AP1B1: variants seen among roughly 807,000 people sequenced by gnomAD.
AP1B1 encodes adaptor related protein complex 1 subunit beta 1.
In AP1B1, 36 loss-of-function variants were observed where a neutral mutation model predicts 104.3. The ratio of observed to expected loss-of-function variants is 0.35; its 90% confidence interval spans 0.26 to 0.46. The LOEUF is 0.46. AP1B1 is among the 20% of genes least tolerant of loss of function. AP1B1 has a pLI of 1.00. For synonymous variants in AP1B1, 504 were observed against 517.5 expected, an observed-to-expected ratio of 0.97 and a Z score of 0.35; for missense variants, 901 against 1,247.9, an observed-to-expected ratio of 0.72 and a Z score of 4.19.
chr22:29,358,437 C>A lies in AP1B1; in HGVS notation c.525+289G>T, dbSNP rs2061993032. On this transcript the variant is annotated intron_variant, in intron 5 of 22. Transcript: ENST00000357586. ...CATCCCAGGCACGTCACCTTCACAG[C>A]ACTCCTGCCAGCCACGTAGAATGAG... is the stretch of plus-strand genomic sequence containing the variant. Among the ~76,000 whole-genome samples, 5 of 152,204 alleles carry A rather than the reference C, an allele frequency of 3.3e-5. No individual in the cohort carries two copies. In the South Asian group the frequency reaches 1.0e-3, roughly 32 times the overall value.
At chr22:29,382,155 C>G (rs1363357867) in intron 1 of AP1B1, among the ~76,000 whole-genome samples, 3 of 152,112 alleles carry the variant, frequency 2.0e-5, no homozygotes, top group Non-Finnish European at 4.4e-5. Flanking sequence ...CTACTGGGCT[C>G]AAGCAATTCT....
chr22:29,381,679 CA>C (rs2062439085), intron 1 of AP1B1, among the ~76,000 whole-genome samples: 1 of 152,160 alleles, frequency 6.6e-6, no homozygotes, highest in South Asian at 2.1e-4. Flanking sequence ...GAAGAAATGG[CA>C]AGGGTAGAAG....
At position 29,358,759 on chromosome 22, in the gene AP1B1, G is replaced by C. The variant is rs548719725; in HGVS notation, c.492C>G (p.Thr164=). The C allele has an allele frequency of 2.5e-5, 41 of 1,614,194 alleles. No individual in the cohort carries two copies. Among genetic ancestry groups the C allele is most frequent in the Non-Finnish European group, 3.5e-5 (41 of 1,180,018 alleles). The part of the protein sequence containing the change: ...QLVEDQGFLD[T]LKDLISDSNP... ...TAGAGTCGGAGATGAGGTCTTTAAG[G>C]GTGTCCAGGAAGCCCTGGTCCTCCA... The change falls in exon 5 of 23, where the codon ACC becomes ACG. Residue 164 remains threonine (T), a synonymous_variant. Transcript: ENST00000357586.
At chr22:29,364,551 T>A (rs1374929342) in intron 2 of AP1B1, among the ~76,000 whole-genome samples, 1 of 152,174 alleles carries the variant, frequency 6.6e-6, no homozygotes, top group African/African-American at 2.4e-5. Context: ...ACCGGGTAGC[T>A]GGGACTACAG....
At chr22:29,361,572 A>G (rs565909907) in intron 3 of AP1B1, among the ~76,000 whole-genome samples, 1 of 152,266 alleles carries the variant, frequency 6.6e-6, no homozygotes, top group Non-Finnish European at 1.5e-5. Flanking sequence ...AAATCTCAAA[A>G]TGTTCTGTGC....
At chr22:29,363,424 C>G (rs558168682) in intron 2 of AP1B1, among the ~76,000 whole-genome samples, 1 of 152,090 alleles carries the variant, frequency 6.6e-6, no homozygotes, top group Admixed American at 6.6e-5. Flanking sequence ...CCGAGGCAGG[C>G]GGATCACGAG....
chr22:29,365,288 C>A (rs1286423745), intron 2 of AP1B1, among the ~76,000 whole-genome samples: 1 of 152,086 alleles, frequency 6.6e-6, no homozygotes, highest in Non-Finnish European at 1.5e-5. Context: ...AGCATTGAAC[C>A]CAGGCATGTC....
At chr22:29,350,793 A>G (rs1224976992) in intron 9 of AP1B1, among the ~76,000 whole-genome samples, 1 of 152,246 alleles carries the variant, frequency 6.6e-6, no homozygotes, top group Non-Finnish European at 1.5e-5. Flanking sequence ...GCTGGGACAC[A>G]GAGGCACGTG....
chr22:29,340,908 C>T, intron 13 of AP1B1, 51 bp from the exon 14 acceptor site: 1 of 1,528,032 alleles, frequency 6.5e-7, no homozygotes, highest in Non-Finnish European at 8.9e-7. Flanking sequence ...TCAGGAAGGT[C>T]AAAGAGACCC....
chr22:29,351,804 C>G lies in AP1B1; in HGVS notation c.960G>C (p.Glu320Asp), dbSNP rs755502586. 6.2e-7 allele frequency: 1 copy of G among 1,614,230 alleles called. No homozygotes were observed. The highest frequency in any genetic ancestry group is 8.5e-7 in the Non-Finnish European group (1 of 1,180,034). The change falls in exon 8 of 23, where the codon GAG becomes GAC. Residue 320 changes from glutamate (E) to aspartate (D), a missense_variant. Around this residue, in one of 3 missense-constraint regions of AP1B1, gnomAD observed 471 missense variants for 696.7 expected, o/e 0.68. Transcript: ENST00000357586. Reference sequence around the variant, plus strand: ...TGTACTTCACGAAGAACACCTTCATCTCATGCTTCAGGATCTCAGGCCTGG... The same window carrying G: ...TGTACTTCACGAAGAACACCTTCATGTCATGCTTCAGGATCTCAGGCCTGG... ...VQKRPEILKHEMKVFFVKYND... is the reference protein window; with the variant it reads ...VQKRPEILKHDMKVFFVKYND...
Position 29,327,979 on chromosome 22 carries a change from G to A in AP1B1, c.*842C>T, listed in dbSNP as rs775692387. The A allele has an allele frequency of 6.5e-6, 1 of 152,746 alleles. No individual in the cohort carries two copies. The highest frequency in any genetic ancestry group is 2.1e-4 in the South Asian group (1 of 4,828). The allele number at this position is 152,746 out of a possible 1,614,324, so 9.5% of individuals were successfully genotyped here. A position where few individuals can be genotyped will look rare whatever the true frequency, so the allele number is the denominator to read the frequency against. On this transcript the variant is annotated 3_prime_UTR_variant, in exon 23 of 23. Transcript: ENST00000357586. ...GCAGCAGACACTACAGAGAAACCCCGAAGAAACCCAAACAGGAGGCGCACC... is the reference window on the plus strand; with the variant it reads ...GCAGCAGACACTACAGAGAAACCCCAAAGAAACCCAAACAGGAGGCGCACC...
chr22:29,373,746 A>G (rs2062282299), intron 1 of AP1B1, among the ~76,000 whole-genome samples: 1 of 152,150 alleles, frequency 6.6e-6, no homozygotes, highest in South Asian at 2.1e-4. Context: ...TAGTAAAAAT[A>G]CAAAAATTAG....
chr22:29,358,624 G>T, intron 5 of AP1B1, 102 bp downstream of exon 5: 1 of 1,468,232 alleles, frequency 6.8e-7, no homozygotes, highest in Non-Finnish European at 9.2e-7. Flanking sequence ...GCCAGGCTCC[G>T]ACTTCTAGGT....
intron 2 of AP1B1, among the ~76,000 whole-genome samples, chr22:29,363,647 C>CAA (rs879795643): frequency 1.5e-5 from 2 of 131,784 alleles, no homozygotes; most frequent in African/African-American, 2.8e-5. Context: ...GACTCCATCT[C>CAA]AAAAAAAAAA....
chr22:29,363,386 A>C (rs1184167135), intron 2 of AP1B1, among the ~76,000 whole-genome samples: 3 of 152,240 alleles, frequency 2.0e-5, no homozygotes, highest in Non-Finnish European at 4.4e-5. Flanking sequence ...ACAGTGGCTC[A>C]TGCCTGTAAT....
At chr22:29,339,338 G>A (rs1014441625) in intron 15 of AP1B1, among the ~76,000 whole-genome samples, 1 of 152,144 alleles carries the variant, frequency 6.6e-6, no homozygotes, top group Admixed American at 6.6e-5. Context: ...TGCAAGCCTT[G>A]AGCCTTAGGA....
intron 1 of AP1B1, among the ~76,000 whole-genome samples, chr22:29,376,848 G>A (rs997266825): frequency 2.0e-5 from 3 of 152,016 alleles, no homozygotes; most frequent in African/African-American, 7.3e-5. Context: ...CTTAGAGTTC[G>A]TTAGAGATGA....
Position 29,329,712 on chromosome 22 carries a change from C to T in AP1B1, c.2775G>A (p.Glu925=), listed in dbSNP as rs1296501110. The change falls in exon 22 of 23, where the codon GAG becomes GAA. Residue 925 remains glutamate (E), a splice_region_variant and synonymous_variant. Coordinates refer to ENST00000357586, the MANE Select transcript of AP1B1 (RefSeq NM_001127.4). ...GGGAAAGAGAAAGCGATCTGCTAACCTCTAAGTCCTGCACCACGGGAACCA... is the reference window on the plus strand; with the variant it reads ...GGGAAAGAGAAAGCGATCTGCTAACTTCTAAGTCCTGCACCACGGGAACCA... The part of the protein sequence containing the change: ...QPGNPSCTDL[E]LSLKCRAPEV... 8 of 1,613,726 alleles carry T rather than the reference C, an allele frequency of 5.0e-6. No homozygotes were observed. Among genetic ancestry groups the T allele is most frequent in the Non-Finnish European group, 6.8e-6 (8 of 1,179,774 alleles).
intron 2 of AP1B1, among the ~76,000 whole-genome samples, chr22:29,365,293 C>T (rs1393985309): frequency 2.0e-5 from 3 of 152,120 alleles, no homozygotes; most frequent in East Asian, 1.9e-4. Flanking sequence ...TGAACCCAGG[C>T]ATGTCTGTCC....
Sources: allele counts gnomAD v4.1 joint callset (sites outside exome capture counted in the v4.1 genomes callset), GRCh38; gene constraint gnomAD v4.1.1; regional missense constraint gnomAD v4.1.1; transcripts MANE v1.5; gene names NCBI Gene and HGNC (gene_info 2026-07-23, HGNC 2026-07-21).